SMG6: variants seen among roughly 807,000 people sequenced by gnomAD.
SMG6 encodes telomerase-binding protein EST1A.
In SMG6, 66 loss-of-function variants were observed where a neutral mutation model predicts 142.2. That is an observed-to-expected ratio of 0.46 (90% confidence interval 0.38 to 0.57). The LOEUF (loss-of-function observed/expected upper bound fraction) is 0.57. SMG6 is among the 20% of genes least tolerant of loss of function. The pLI, the probability that SMG6 is intolerant of heterozygous loss-of-function variation, is 0.00. For missense variants in SMG6, 1,793 were observed against 1,832.0 expected, an observed-to-expected ratio of 0.98 and a Z score of 0.39; for synonymous variants, 779 against 702.4, an observed-to-expected ratio of 1.11 and a Z score of -1.72.
At chr17:2,265,099 T>C (rs2151342102) in intron 8 of SMG6, among the ~76,000 whole-genome samples, 1 of 152,068 alleles carries the variant, frequency 6.6e-6, no homozygotes, top group Admixed American at 6.6e-5. Flanking sequence ...GCTTCAAAAG[T>C]AGTGGTTCTC....
At chr17:2,259,082 A>G (rs1281138073) in intron 8 of SMG6, among the ~76,000 whole-genome samples, 1 of 152,076 alleles carries the variant, frequency 6.6e-6, no homozygotes, top group Non-Finnish European at 1.5e-5. Context: ...TATCTCAAAA[A>G]CACACAAACA....
rs1286638956 is a variant in SMG6, at chr17:2,265,403, G to C, written c.2661+17244C>G. ...CAGGAGCCTGTAGTCCCAGCTACTGGGGAGGCTGAGGCAGGAGAAACGCTT... is the reference window on the plus strand; with the variant it reads ...CAGGAGCCTGTAGTCCCAGCTACTGCGGAGGCTGAGGCAGGAGAAACGCTT... On this transcript the variant is annotated intron_variant, in intron 8 of 18. Coordinates refer to ENST00000263073, the MANE Select transcript of SMG6 (RefSeq NM_017575.5). 2.0e-5 allele frequency among the ~76,000 whole-genome samples: 3 copies of C among 152,048 alleles called. No individual in the cohort carries two copies. The East Asian group carries it at 5.8e-4, about 29-fold the overall frequency.
chr17:2,149,659 C>A (rs954634916), intron 13 of SMG6, among the ~76,000 whole-genome samples: 1 of 152,140 alleles, frequency 6.6e-6, no homozygotes, highest in Non-Finnish European at 1.5e-5. Flanking sequence ...ACTGGCAAGG[C>A]CAAATATTGT....
intron 13 of SMG6, among the ~76,000 whole-genome samples, chr17:2,154,447 GA>G (rs1169109758): frequency 6.6e-6 from 1 of 152,130 alleles, no homozygotes; most frequent in Non-Finnish European, 1.5e-5. Flanking sequence ...ATTTATGTTG[GA>G]AAAAAAGAAT....
intron 15 of SMG6, among the ~76,000 whole-genome samples, chr17:2,074,105 C>T (rs761592696): frequency 6.6e-6 from 1 of 152,016 alleles, no homozygotes; most frequent in Non-Finnish European, 1.5e-5. Context: ...GAGAGAGAGT[C>T]TAACTCTGTC....
At chr17:2,197,418 T>C (rs1016322783) in intron 10 of SMG6, among the ~76,000 whole-genome samples, 6 of 151,852 alleles carry the variant, frequency 4.0e-5, no homozygotes, top group African/African-American at 1.2e-4. Flanking sequence ...AAAATTTAAT[T>C]AGCTGGATGT....
At position 2,236,461 on chromosome 17, in the gene SMG6, A is replaced by G. The variant is rs375539002; in HGVS notation, c.2869+31T>C. On this transcript the variant is annotated intron_variant, in intron 10 of 18. Transcript: ENST00000263073. ...GCTACATTAATCTCTATCTGTCTATATTCTAGATGAAGAAACTAAACATGC... is the reference window on the plus strand; with the variant it reads ...GCTACATTAATCTCTATCTGTCTATGTTCTAGATGAAGAAACTAAACATGC... The G allele has an allele frequency of 4.4e-6, 7 of 1,603,218 alleles. No individual in the cohort carries two copies. The African/African-American group carries it at 9.4e-5, about 21-fold the overall frequency.
At position 2,300,524 on chromosome 17, in the gene SMG6, C is replaced by T. The variant is rs774567162; in HGVS notation, c.229G>A (p.Glu77Lys). The part of the protein sequence containing the change: ...EPPGSEEFKD[E>K]IVNDRDCSAV... Reference sequence around the variant, plus strand: ...GAGCAATCTCGGTCATTAACAATTTCATCTTTGAATTCCTCACTCCCAGGG... The same window carrying T: ...GAGCAATCTCGGTCATTAACAATTTTATCTTTGAATTCCTCACTCCCAGGG... The change falls in exon 2 of 19, where the codon GAA becomes AAA. Residue 77 changes from glutamate (E) to lysine (K), a missense_variant. Physicochemically the swap from Glu to Lys is moderately conservative, Grantham distance 56. Transcript: ENST00000263073. The T allele has an allele frequency of 1.2e-6, 2 of 1,614,016 alleles. No homozygotes were observed. The highest frequency in any genetic ancestry group is 2.7e-5 in the African/African-American group (2 of 74,912).
At chr17:2,237,630 T>TACAGGAAGAGGCTGTAAC (rs780529359) in intron 9 of SMG6, 77 of 897,750 alleles carry the variant, frequency 8.6e-5, no homozygotes, top group Admixed American at 1.9e-4. Flanking sequence ...CCACTCCCAA[T>TACAGGAAGAGGCTGTAAC]ACAGGAAGAG....
chr17:2,169,733 G>A (rs910220282), intron 13 of SMG6, among the ~76,000 whole-genome samples: 8 of 152,192 alleles, frequency 5.3e-5, no homozygotes, highest in Non-Finnish European at 1.0e-4. Context: ...GTCACATAAT[G>A]GAGGGCATCG....
chr17:2,112,937 T>C (rs2069384182), intron 13 of SMG6, among the ~76,000 whole-genome samples: 1 of 152,008 alleles, frequency 6.6e-6, no homozygotes. Flanking sequence ...TTTGTATTTT[T>C]GGTAGAGATG....
chr17:2,205,087 G>A (rs1299714650), intron 10 of SMG6, among the ~76,000 whole-genome samples: 1 of 151,730 alleles, frequency 6.6e-6, no homozygotes, highest in Non-Finnish European at 1.5e-5. Context: ...TTTTTTTTCT[G>A]AGACTGAGTC....
At chr17:2,118,070 C>T (rs1460141548) in intron 13 of SMG6, among the ~76,000 whole-genome samples, 3 of 151,786 alleles carry the variant, frequency 2.0e-5, no homozygotes, top group Non-Finnish European at 4.4e-5. Context: ...TAGTGAGACC[C>T]CATTTCTATA....
intron 8 of SMG6, among the ~76,000 whole-genome samples, chr17:2,254,519 G>C (rs1488469761): frequency 2.6e-5 from 4 of 152,088 alleles, no homozygotes; most frequent in Non-Finnish European, 4.4e-5. Context: ...ATTTTTAGTA[G>C]AGACGGGGTT....
intron 12 of SMG6, among the ~76,000 whole-genome samples, chr17:2,179,738 C>A (rs1296843704): frequency 6.6e-6 from 1 of 152,200 alleles, no homozygotes; most frequent in African/African-American, 2.4e-5. Flanking sequence ...TTATGTAACC[C>A]TGGTCATGGG....
intron 12 of SMG6, among the ~76,000 whole-genome samples, chr17:2,181,342 C>A (rs902224318): frequency 1.3e-5 from 2 of 152,192 alleles, no homozygotes; most frequent in East Asian, 3.9e-4. Flanking sequence ...CTGTTGAACG[C>A]GGGCACCAGT....
At chr17:2,104,932 T>C (rs1184816882) in intron 13 of SMG6, among the ~76,000 whole-genome samples, 1 of 152,056 alleles carries the variant, frequency 6.6e-6, no homozygotes, top group Non-Finnish European at 1.5e-5. Context: ...ATCTTTTTTT[T>C]TGGGAGACAA....
At chr17:2,301,969 T>C (rs1597246667) in intron 1 of SMG6, among the ~76,000 whole-genome samples, 1 of 152,170 alleles carries the variant, frequency 6.6e-6, no homozygotes, top group African/African-American at 2.4e-5. Context: ...AATCCTAGCA[T>C]AGGCCAGGTG....
At chr17:2,161,620 C>T (rs2071182877) in intron 13 of SMG6, among the ~76,000 whole-genome samples, 2 of 151,826 alleles carry the variant, frequency 1.3e-5, no homozygotes, top group Admixed American at 6.6e-5. Flanking sequence ...TGCCACTACT[C>T]TTATATTTTT....
Sources: allele counts gnomAD v4.1 joint callset (sites outside exome capture counted in the v4.1 genomes callset), GRCh38; gene constraint gnomAD v4.1.1; transcripts MANE v1.5; gene names NCBI Gene and HGNC (gene_info 2026-07-23, HGNC 2026-07-21).